Variants in SMAD4 observed in about 807,000 individuals in gnomAD.
SMAD4 encodes the protein SMAD family member 4, also known as MAD homolog 4.
Under a neutral mutation model 63.2 loss-of-function variants are expected in SMAD4, and 7 were observed. That is an observed-to-expected ratio of 0.11 (90% CI 0.06 to 0.21). SMAD4 has a LOEUF of 0.21. SMAD4 is among the 10% of genes least tolerant of loss of function. SMAD4 has a pLI of 1.00. For missense variants in SMAD4, 312 were observed against 693.8 expected (o/e 0.45, Z 6.18); for synonymous variants, 215 against 235.4 (o/e 0.91, Z 0.79).
chr18:51,066,377 A>G (rs1162761805), intron 9 of SMAD4, among the ~76,000 whole-genome samples: 2 of 152,118 alleles, frequency 1.3e-5, no homozygotes, highest in Non-Finnish European at 2.9e-5. Context: ...ATATAATGAA[A>G]TGGAAATGCT....
At chr18:51,054,711 G>A in intron 4 of SMAD4, 70 bp from the exon 5 acceptor site, 1 of 1,019,258 alleles carries the variant, frequency 9.8e-7, no homozygotes, top group South Asian at 1.4e-5. Flanking sequence ...TATATTACTT[G>A]CTAATAAGAT....
chr18:51,059,964 GT>G, intron 8 of SMAD4, 48 bp downstream of exon 8: 1 of 1,424,082 alleles, frequency 7.0e-7, no homozygotes, highest in Non-Finnish European at 9.9e-7. Context: ...TGATTTAGTG[GT>G]GATTGAAACG....
intron 4 of SMAD4, chr18:51,053,537 TG>T (rs1909764806): frequency 6.6e-6 from 1 of 152,166 alleles, no homozygotes; most frequent in South Asian, 2.1e-4. Context: ...AACTTTGGAA[TG>T]GGATTTATAG....
chr18:51,039,811 A>G (rs779755767), intron 1 of SMAD4, among the ~76,000 whole-genome samples: 29 of 152,176 alleles, frequency 1.9e-4, no homozygotes, highest in Non-Finnish European at 4.0e-4. Flanking sequence ...AAGGTGGCAT[A>G]CCAAAATGAC....
At chr18:51,069,417 T>A (rs1336070194) in intron 10 of SMAD4, among the ~76,000 whole-genome samples, 4 of 152,228 alleles carry the variant, frequency 2.6e-5, no homozygotes, top group Admixed American at 2.6e-4. Flanking sequence ...CCTGGCCTTT[T>A]GTTGTTATTT....
chr18:51,035,884 G>A (rs999745979), intron 1 of SMAD4, among the ~76,000 whole-genome samples: 1 of 152,202 alleles, frequency 6.6e-6, no homozygotes, highest in African/African-American at 2.4e-5. Flanking sequence ...TGCTGCTTCA[G>A]AATGGGAATG....
chr18:51,063,503 C>T (rs962963467), intron 8 of SMAD4, among the ~76,000 whole-genome samples: 3 of 152,116 alleles, frequency 2.0e-5, no homozygotes, highest in African/African-American at 7.2e-5. Flanking sequence ...GCCCTGACCT[C>T]CCAGACTTAG....
intron 8 of SMAD4, among the ~76,000 whole-genome samples, chr18:51,061,378 A>G (rs1448649488): frequency 6.6e-6 from 1 of 152,190 alleles, no homozygotes; most frequent in Non-Finnish European, 1.5e-5. Context: ...AGCCTCTGGT[A>G]ACCATCCTTC....
At chr18:51,051,101 CAGTG>C (rs1427368307) in intron 4 of SMAD4, 3 of 160,286 alleles carry the variant, frequency 1.9e-5, no homozygotes, top group African/African-American at 7.2e-5. Flanking sequence ...ACGTTTGTCT[CAGTG>C]GGTATTAAAG....
At chr18:51,051,497 A>G (rs1909711811) in intron 4 of SMAD4, 1 of 427,164 alleles carries the variant, frequency 2.3e-6, no homozygotes, top group East Asian at 7.0e-5. Flanking sequence ...CCTATCTTTT[A>G]CCTTTCATGA....
chr18:51,061,962 A>C (rs1216404815), intron 8 of SMAD4, among the ~76,000 whole-genome samples: 1 of 152,192 alleles, frequency 6.6e-6, no homozygotes, highest in East Asian at 1.9e-4. Context: ...ATTTTAGTTT[A>C]AGAAATTTGT....
chr18:51,031,621 A>G (rs567041726), intron 1 of SMAD4, among the ~76,000 whole-genome samples: 1 of 152,332 alleles, frequency 6.6e-6, no homozygotes, highest in African/African-American at 2.4e-5. Context: ...AATTTTTGTT[A>G]GTAACCTTTG....
At chr18:51,062,893 T>C (rs1216599834) in intron 8 of SMAD4, among the ~76,000 whole-genome samples, 1 of 133,170 alleles carries the variant, frequency 7.5e-6, no homozygotes, top group African/African-American at 2.8e-5. Flanking sequence ...AGTCTCGCTC[T>C]GTCACCCAGG....
intron 1 of SMAD4, among the ~76,000 whole-genome samples, chr18:51,044,327 T>A (rs1266776010): frequency 6.6e-6 from 1 of 152,176 alleles, no homozygotes; most frequent in African/African-American, 2.4e-5. Context: ...TACATTTTTT[T>A]AGACAGATTT....
At chr18:51,058,543 CT>C in intron 7 of SMAD4, 87 bp downstream of exon 7, 1 of 843,560 alleles carries the variant, frequency 1.2e-6, no homozygotes, top group South Asian at 1.5e-5. Context: ...GTTTTTACAT[CT>C]TTTATTCATC....
intron 8 of SMAD4, among the ~76,000 whole-genome samples, chr18:51,062,848 C>CTTATTTTT (rs1366376175): frequency 2.4e-5 from 2 of 83,606 alleles, no homozygotes; most frequent in African/African-American, 8.8e-5. Context: ...TCTGGCTTTA[C>CTTATTTTT]TTGTTTTTTT....
At position 51,054,639 on chromosome 18, in the gene SMAD4, T is replaced by C. The variant is rs188806041; in HGVS notation, c.455-142T>C. On this transcript the variant is annotated intron_variant, in intron 4 of 11. Transcript: ENST00000342988. ...CTGGTAAAGTAGTATGCTTTTAAAA[T>C]AATATGAAAAAATTCTGAATTAAGG... 5.2e-5 allele frequency: 33 copies of C among 636,072 alleles called. No individual in the cohort carries two copies. The East Asian group carries it at 8.8e-4, about 17-fold the overall frequency. The allele number at this position is 636,072 out of a possible 1,614,324, so 39.4% of individuals were successfully genotyped here. A position where few individuals can be genotyped will look rare whatever the true frequency, so the allele number is the denominator to read the frequency against.
Position 51,060,913 on chromosome 18 carries a change from A to T in SMAD4, c.955+997A>T, listed in dbSNP as rs539314038. ...ATTTTATTTATTTATTTATTTATTT[A>T]TTTTTTTCCGAGATGGGATCTCGCT... is the stretch of plus-strand genomic sequence containing the variant. On this transcript the variant is annotated intron_variant, in intron 8 of 11. Transcript: ENST00000342988. Among the ~76,000 whole-genome samples, 362 of 151,438 alleles carry T rather than the reference A, an allele frequency of 2.4e-3. 3 individuals are homozygous for T. Among genetic ancestry groups the T allele is most frequent in the South Asian group, 0.014 (66 of 4,786 alleles).
chr18:51,078,523 A>G lies in SMAD4; in HGVS notation c.*56A>G, dbSNP rs1910530437. 2.6e-6 allele frequency: 3 copies of G among 1,150,786 alleles called. No homozygotes were observed. The highest frequency in any genetic ancestry group is 1.3e-5 in the South Asian group (1 of 77,444). The allele number at this position is 1,150,786 out of a possible 1,614,324, so 71.3% of individuals were successfully genotyped here. On this transcript the variant is annotated 3_prime_UTR_variant, in exon 12 of 12. Coordinates refer to ENST00000342988, the MANE Select transcript of SMAD4 (RefSeq NM_005359.6). ...TCAGGATGGTGGACTACAAAATACAATCCTGTTTATAATCTGAAGATATAT... is the reference window on the plus strand; with the variant it reads ...TCAGGATGGTGGACTACAAAATACAGTCCTGTTTATAATCTGAAGATATAT...
Sources: allele counts gnomAD v4.1 joint callset (sites outside exome capture counted in the v4.1 genomes callset), GRCh38; gene constraint gnomAD v4.1.1; transcripts MANE v1.5; gene names NCBI Gene and HGNC (gene_info 2026-07-23, HGNC 2026-07-21).